Variants in PCDH15 observed in about 807,000 individuals in gnomAD.
The protein encoded by PCDH15 is protocadherin-15.
A neutral mutation model predicts 178.5 loss-of-function variants in PCDH15; 129 were observed. The observed-to-expected ratio is 0.72, with a 90% CI of 0.63 to 0.84. PCDH15 has a LOEUF of 0.84. Among genes scored for constraint, PCDH15 ranks in the 40% least tolerant of loss-of-function variants. The pLI is 0.00. For missense variants in PCDH15, 2,230 were observed against 2,099.9 expected (o/e 1.06, Z -1.21); for synonymous variants, 800 against 732.0 (o/e 1.09, Z -1.50).
chr10:55,432,275 A>G (rs1838900186), intron 2 of PCDH15, among the ~76,000 whole-genome samples: 1 of 152,254 alleles, frequency 6.6e-6, no homozygotes, highest in Non-Finnish European at 1.5e-5. Context: ...CTGTGTTTGA[A>G]AAATGAGGCT....
At chr10:53,853,586 T>C (rs2078534821) in intron 28 of PCDH15, among the ~76,000 whole-genome samples, 1 of 152,024 alleles carries the variant, frequency 6.6e-6, no homozygotes, top group African/African-American at 2.4e-5. Context: ...ATAAATCAAG[T>C]AACCCAATTA....
At chr10:54,984,280 G>A (rs750073417) in intron 2 of PCDH15, among the ~76,000 whole-genome samples, 13 of 152,128 alleles carry the variant, frequency 8.5e-5, no homozygotes, top group Non-Finnish European at 1.9e-4. Context: ...CCCCAAGGAA[G>A]GTTGAAGCTA....
chr10:54,753,836 A>G (rs1054818947), intron 1 of PCDH15, among the ~76,000 whole-genome samples: 2 of 145,048 alleles, frequency 1.4e-5, no homozygotes, highest in Non-Finnish European at 3.0e-5. Context: ...TCTGAAGAGT[A>G]TTACCCAAAT....
At chr10:54,210,363 T>C (rs78864303) in intron 10 of PCDH15, among the ~76,000 whole-genome samples, 1,537 of 152,198 alleles carry the variant, frequency 0.01, 25 homozygotes, top group African/African-American at 0.034. Context: ...AACAAATGTT[T>C]ATTAAGCAGC....
intron 8 of PCDH15, among the ~76,000 whole-genome samples, chr10:54,303,997 C>T (rs1176699077): frequency 6.6e-6 from 1 of 151,878 alleles, no homozygotes; most frequent in African/African-American, 2.4e-5. Context: ...TTCATGTCTT[C>T]AGATACATTG....
chr10:54,311,426 A>G (rs2060900594), intron 8 of PCDH15, among the ~76,000 whole-genome samples: 1 of 152,098 alleles, frequency 6.6e-6, no homozygotes, highest in South Asian at 2.1e-4. Flanking sequence ...GTGCTTCATT[A>G]GAAAATAAAG....
chr10:54,255,125 G>A (rs969620811), intron 8 of PCDH15, among the ~76,000 whole-genome samples: 1 of 152,070 alleles, frequency 6.6e-6, no homozygotes, highest in African/African-American at 2.4e-5. Context: ...TTTGTATTTT[G>A]GACAAACATG....
chr10:55,621,797 G>C (rs1474770088), intron 2 of PCDH15, among the ~76,000 whole-genome samples: 1 of 150,584 alleles, frequency 6.6e-6, no homozygotes, highest in Non-Finnish European at 1.5e-5. Flanking sequence ...AAGGGTACAT[G>C]TGGTAATTAC....
At chr10:54,600,903 C>T (rs2092491455) in intron 2 of PCDH15, among the ~76,000 whole-genome samples, 1 of 151,914 alleles carries the variant, frequency 6.6e-6, no homozygotes. Context: ...TTACCAATTT[C>T]CTGCACTGTT....
intron 3 of PCDH15, among the ~76,000 whole-genome samples, chr10:54,491,316 AAAAG>A (rs1461836447): frequency 1.3e-5 from 2 of 149,382 alleles, no homozygotes; most frequent in Non-Finnish European, 3.0e-5. Context: ...CTCAAAAAAA[AAAAG>A]AAAGAAAAGT....
In PCDH15 at chr10:55,073,795, G is replaced by T. The variant is rs141841358; in HGVS notation, c.-80+92781C>A. ...TAACCGTAGGCTTTTTTGGGGGGGA[G>T]AATTTTTATTACTGATTTATTCTCA... On this transcript the variant is annotated intron_variant, in intron 2 of 5. Transcript: ENST00000458638. Among the ~76,000 whole-genome samples, 1,030 of 152,064 alleles carry T rather than the reference G, an allele frequency of 6.8e-3. 9 individuals carry two copies. Among genetic ancestry groups the T allele is most frequent in the Middle Eastern group, 0.027 (8 of 294 alleles).
chr10:54,900,574 T>C (rs867694076), intron 2 of PCDH15, among the ~76,000 whole-genome samples: 31 of 152,310 alleles, frequency 2.0e-4, no homozygotes, highest in African/African-American at 7.2e-4. Flanking sequence ...ATTCTACAGA[T>C]TTATTCAGGA....
At chr10:53,932,279 A>C (rs2085128202) in intron 25 of PCDH15, among the ~76,000 whole-genome samples, 1 of 152,176 alleles carries the variant, frequency 6.6e-6, no homozygotes, top group Non-Finnish European at 1.5e-5. Context: ...ACTGGCATTC[A>C]CCTGTGTCCC....
intron 1 of PCDH15, among the ~76,000 whole-genome samples, chr10:55,220,553 A>ATGTGGT (rs939539106): frequency 6.6e-5 from 10 of 152,232 alleles, no homozygotes; most frequent in African/African-American, 2.4e-4. Context: ...TACTTAGGCT[A>ATGTGGT]TGTGGTAAAG....
chr10:54,359,630 A>C, intron 5 of PCDH15, among the ~76,000 whole-genome samples: 1 of 152,026 alleles, frequency 6.6e-6, no homozygotes, highest in Admixed American at 6.6e-5. Flanking sequence ...AATATAATGC[A>C]CATTGAACCA....
chr10:54,997,760 T>C (rs766194343), intron 2 of PCDH15, among the ~76,000 whole-genome samples: 39 of 152,188 alleles, frequency 2.6e-4, no homozygotes, highest in Non-Finnish European at 4.3e-4. Flanking sequence ...TTTTGTCTAA[T>C]ACTTCAGTTC....
intron 1 of PCDH15, among the ~76,000 whole-genome samples, chr10:55,310,953 C>T (rs1261983209): frequency 4.6e-5 from 7 of 152,088 alleles, no homozygotes; most frequent in Non-Finnish European, 1.0e-4. Flanking sequence ...CAGAAAATCA[C>T]CATGGCATGT....
At chr10:55,406,375 C>G (rs985534248) in intron 2 of PCDH15, among the ~76,000 whole-genome samples, 2 of 151,944 alleles carry the variant, frequency 1.3e-5, no homozygotes, top group African/African-American at 4.8e-5. Context: ...TTTCAAGTGA[C>G]AAAGGAGCAT....
At chr10:55,096,722 A>T (rs1842457071) in intron 2 of PCDH15, among the ~76,000 whole-genome samples, 1 of 152,234 alleles carries the variant, frequency 6.6e-6, no homozygotes, top group South Asian at 2.1e-4. Flanking sequence ...CATATAAATG[A>T]GATAATGCAG....
Sources: allele counts gnomAD v4.1 joint callset (sites outside exome capture counted in the v4.1 genomes callset), GRCh38; gene constraint gnomAD v4.1.1; transcripts MANE v1.5; gene names NCBI Gene and HGNC (gene_info 2026-07-23, HGNC 2026-07-21).